Variants in TGFBR1 observed in about 807,000 individuals in gnomAD.
TGFBR1 encodes the protein transforming growth factor beta receptor 1, also known as TGF-beta receptor type-1.
Under a neutral mutation model 55.1 loss-of-function variants are expected in TGFBR1, and 20 were observed. That is an observed-to-expected ratio of 0.36 (90% CI 0.26 to 0.53). The LOEUF (loss-of-function observed/expected upper bound fraction) is 0.53, where lower values mean the gene tolerates loss of function less well. TGFBR1 is among the 20% of genes least tolerant of loss of function. TGFBR1 has a pLI of 0.91. For synonymous variants in TGFBR1, 220 were observed against 214.8 expected (o/e 1.02, Z -0.21); for missense variants, 385 against 617.6 (o/e 0.62, Z 3.99).
Position 99,130,903 on chromosome 9 carries a change from C to T in TGFBR1, c.344-1606C>T, listed in dbSNP as rs560586672. 6.6e-5 allele frequency among the ~76,000 whole-genome samples: 10 copies of T among 152,106 alleles called. 2 individuals are homozygous for T. The South Asian group carries it at 1.2e-3, about 19-fold the overall frequency. ...GTTTTTAAAAATGCACTATTGAGAG[C>T]GAACAACAGACTGGATGCCATAATT... On this transcript the variant is annotated intron_variant, in intron 2 of 8. Transcript: ENST00000374994.
At chr9:99,129,892 C>G (rs1827166701) in intron 2 of TGFBR1, among the ~76,000 whole-genome samples, 1 of 151,586 alleles carries the variant, frequency 6.6e-6, no homozygotes, top group Non-Finnish European at 1.5e-5. Context: ...GAGTGAGGCT[C>G]TGTCTAAAAA....
At chr9:99,107,370 C>CA (rs1289410138) in intron 1 of TGFBR1, among the ~76,000 whole-genome samples, 1 of 152,206 alleles carries the variant, frequency 6.6e-6, no homozygotes, top group Non-Finnish European at 1.5e-5. Context: ...CTTCTGTCTC[C>CA]AACATAGGTT....
At chr9:99,138,361 T>A (rs924077023) in intron 4 of TGFBR1, among the ~76,000 whole-genome samples, 9 of 152,216 alleles carry the variant, frequency 5.9e-5, no homozygotes, top group African/African-American at 1.9e-4. Flanking sequence ...GTTGGTTTAG[T>A]TTAGGGCAGT....
At position 99,142,992 on chromosome 9, in the gene TGFBR1, G is replaced by A. The variant is rs573826516; in HGVS notation, c.973+289G>A. 9.9e-5 allele frequency among the ~76,000 whole-genome samples: 15 copies of A among 152,216 alleles called. No homozygotes were observed. The South Asian group carries it at 1.0e-3, about 11-fold the overall frequency. On this transcript the variant is annotated intron_variant, in intron 5 of 8. Coordinates refer to ENST00000374994, the MANE Select transcript of TGFBR1 (RefSeq NM_004612.4). ...GAGGATTACCTGAGCCTGGGAGGTC[G>A]AAGCTGCAGTGAGCAGACATCATGC...
chr9:99,115,516 A>G (rs1826709294), intron 1 of TGFBR1, among the ~76,000 whole-genome samples: 2 of 152,246 alleles, frequency 1.3e-5, no homozygotes, highest in African/African-American at 4.8e-5. Flanking sequence ...AGCACTGAAC[A>G]TGGAGGATAG....
At chr9:99,112,939 C>G (rs1826628350) in intron 1 of TGFBR1, among the ~76,000 whole-genome samples, 2 of 147,758 alleles carry the variant, frequency 1.4e-5, no homozygotes, top group Non-Finnish European at 3.0e-5. Context: ...CTCTCTCTCT[C>G]TGTCTTTCTC....
chr9:99,140,147 C>T (rs1827565348), intron 4 of TGFBR1, among the ~76,000 whole-genome samples: 1 of 152,042 alleles, frequency 6.6e-6, no homozygotes, highest in South Asian at 2.1e-4. Flanking sequence ...AATGTAATAC[C>T]TCTTAAGTTA....
chr9:99,142,137 C>G (rs1261828998), intron 4 of TGFBR1, among the ~76,000 whole-genome samples: 2 of 152,102 alleles, frequency 1.3e-5, no homozygotes, highest in Non-Finnish European at 1.5e-5. Context: ...CACCTCCTTG[C>G]TTCCCTCTCT....
At position 99,124,456 on chromosome 9, in the gene TGFBR1, C is replaced by T. The variant is rs150018444; in HGVS notation, c.98-4399C>T. On this transcript the variant is annotated intron_variant, in intron 1 of 8. Coordinates refer to ENST00000374994, the MANE Select transcript of TGFBR1 (RefSeq NM_004612.4). ...TGGCGGAAGGAGGTGTCTTCGTTTA[C>T]GTTTTTTAGATTGAAATTTTGCCAT... 5.3e-4 allele frequency among the ~76,000 whole-genome samples: 80 copies of T among 151,684 alleles called. No individual in the cohort carries two copies. The East Asian group carries it at 0.014, about 26-fold the overall frequency.
intron 1 of TGFBR1, among the ~76,000 whole-genome samples, chr9:99,114,058 C>T (rs1249053140): frequency 6.6e-6 from 1 of 152,188 alleles, no homozygotes; most frequent in African/African-American, 2.4e-5. Context: ...GTCTAAATAT[C>T]CCTAGGATTC....
intron 1 of TGFBR1, among the ~76,000 whole-genome samples, chr9:99,105,944 C>T (rs1221259995): frequency 6.6e-6 from 1 of 152,242 alleles, no homozygotes; most frequent in African/African-American, 2.4e-5. Context: ...AGGGGCTGCT[C>T]CTCCAGCCAG....
chr9:99,120,234 C>T (rs1447539586), intron 1 of TGFBR1, among the ~76,000 whole-genome samples: 1 of 152,168 alleles, frequency 6.6e-6, no homozygotes, highest in Non-Finnish European at 1.5e-5. Context: ...TTTTCTGTCT[C>T]TGAGTTCCAT....
intron 3 of TGFBR1, among the ~76,000 whole-genome samples, chr9:99,134,884 G>A (rs1452188952): frequency 2.4e-5 from 3 of 123,654 alleles, no homozygotes; most frequent in African/African-American, 9.3e-5. Context: ...ATAGCTCTCT[G>A]TTCTCTGAAA....
In TGFBR1 at chr9:99,152,514, C is replaced by T. The variant is rs952738123; in HGVS notation, c.*3209C>T. 4 of 229,926 alleles carry T rather than the reference C, an allele frequency of 1.7e-5. No homozygotes were observed. Among genetic ancestry groups the T allele is most frequent in the Non-Finnish European group, 2.6e-5 (3 of 115,624 alleles). 14.2% of individuals were successfully genotyped at this position (229,926 alleles called of 1,614,324 possible). ...TTACAAAATGTAAGTGGTCACTTGG[C>T]GATTTTGTAGTACATGCATGAGTTA... On this transcript the variant is annotated 3_prime_UTR_variant, in exon 9 of 9. Transcript: ENST00000374994.
chr9:99,149,079 T>G (rs769794658), intron 8 of TGFBR1, 101 bp from the exon 9 acceptor site: 18 of 1,203,772 alleles, frequency 1.5e-5, no homozygotes, highest in African/African-American at 3.1e-5. Context: ...CAATAACAAG[T>G]GTATATGTCA....
chr9:99,141,164 T>G (rs1346757817), intron 4 of TGFBR1, among the ~76,000 whole-genome samples: 2 of 152,238 alleles, frequency 1.3e-5, no homozygotes, highest in African/African-American at 4.8e-5. Context: ...TTCTTGTATT[T>G]GTGAGCTTTT....
Position 99,105,286 on chromosome 9 carries a change from G to A in TGFBR1, c.81G>A (p.Leu27=). ...CGGCGGCGGCGGCGGCGGCGGCGCT[G>A]CTCCCGGGGGCGACGGGTGAGCGGC... ...LAAAAAAAAA[L]LPGATALQCF... The change falls in exon 1 of 9, where the codon CTG becomes CTA. Residue 27 remains leucine (L), a synonymous_variant. Transcript: ENST00000374994. 1 of 999,764 alleles carries A rather than the reference G, an allele frequency of 1.0e-6. No individual in the cohort carries two copies. The highest frequency in any genetic ancestry group is 1.2e-6 in the Non-Finnish European group (1 of 841,906). The allele number at this position is 999,764 out of a possible 1,614,324, so 61.9% of individuals were successfully genotyped here.
intron 1 of TGFBR1, among the ~76,000 whole-genome samples, chr9:99,122,275 C>T (rs1223834011): frequency 1.3e-5 from 2 of 151,998 alleles, no homozygotes; most frequent in African/African-American, 2.4e-5. Context: ...GACAAGGTTT[C>T]GGTGCTAATT....
chr9:99,140,291 A>G (rs898648571), intron 4 of TGFBR1, among the ~76,000 whole-genome samples: 2 of 152,100 alleles, frequency 1.3e-5, no homozygotes, highest in African/African-American at 4.8e-5. Flanking sequence ...CATCTCTACT[A>G]AAAATACAAA....
Sources: gnomAD v4.1 joint callset for allele counts (sites outside exome capture counted in the v4.1 genomes callset) on GRCh38, gnomAD v4.1.1 for gene constraint, MANE v1.5 for transcripts, NCBI Gene and HGNC (gene_info 2026-07-23, HGNC 2026-07-21) for gene names.